CWC27: variants seen among roughly 807,000 people sequenced by gnomAD.
The protein encoded by CWC27 is spliceosome-associated protein CWC27 homolog.
CWC27 carries 47 observed loss-of-function variants against 63.6 expected under a neutral mutation model. That is an observed-to-expected ratio of 0.74 (90% CI 0.58 to 0.94). The LOEUF (loss-of-function observed/expected upper bound fraction) is 0.94. Ranked by LOEUF, CWC27 falls within the 40% of genes least tolerant of loss-of-function variation. The probability of loss-of-function intolerance (pLI) is 0.00; values close to 1 mark genes in which losing one functional copy is unlikely to be tolerated. For missense variants in CWC27, 495 were observed against 554.3 expected (o/e 0.89, Z 1.07); for synonymous variants, 175 against 179.8 (o/e 0.97, Z 0.22).
chr5:64,876,869 C>T (rs533129075), intron 10 of CWC27, among the ~76,000 whole-genome samples: 43 of 152,052 alleles, frequency 2.8e-4, no homozygotes, highest in African/African-American at 9.6e-4. Flanking sequence ...AATCCTCAAT[C>T]GCATGTTCAA....
rs551736536 is a variant in CWC27 at position 64,840,134 on chromosome 5, T to C, written c.938+35748T>C. On this transcript the variant is annotated intron_variant, in intron 10 of 13. Transcript: ENST00000381070. ...TGGGAATTAGGAGCCAAGTAGTCAG[T>C]GTGGTGGGAAAAAGTGGCTTAGTGT... Among the ~76,000 whole-genome samples, 218 of 151,404 alleles carry C rather than the reference T, an allele frequency of 1.4e-3. 1 individual carries two copies. Among genetic ancestry groups the C allele is most frequent in the African/African-American group, 4.8e-3 (200 of 41,276 alleles).
intron 10 of CWC27, among the ~76,000 whole-genome samples, chr5:64,813,269 G>T (rs776058283): frequency 5.9e-5 from 9 of 151,968 alleles, no homozygotes; most frequent in African/African-American, 2.2e-4. Context: ...AATAATTTTT[G>T]GATATTCTGG....
chr5:64,810,807 G>A (rs571899178), intron 10 of CWC27, among the ~76,000 whole-genome samples: 1 of 152,108 alleles, frequency 6.6e-6, no homozygotes, highest in African/African-American at 2.4e-5. Flanking sequence ...ATGTAAAAGT[G>A]GATGATATTT....
At chr5:64,881,133 T>G (rs1441127270) in intron 10 of CWC27, among the ~76,000 whole-genome samples, 2 of 152,058 alleles carry the variant, frequency 1.3e-5, no homozygotes, top group African/African-American at 4.8e-5. Context: ...AGTTATGGAT[T>G]CCACAGTACT....
intron 10 of CWC27, among the ~76,000 whole-genome samples, chr5:64,810,132 C>G (rs949757402): frequency 1.3e-5 from 2 of 152,062 alleles, no homozygotes; most frequent in African/African-American, 4.8e-5. Context: ...CCAGTTTTCC[C>G]AACATTTATT....
rs751712173 is a variant in CWC27 at position 64,774,774 on chromosome 5, A to G, written c.126A>G (p.Gln42=). Residue 42 remains glutamine, a synonymous_variant, in exon 2 of 14, where the codon CAA becomes CAG. Coordinates refer to ENST00000381070, the MANE Select transcript of CWC27 (RefSeq NM_005869.4). The part of the protein sequence containing the change: ...EAPKACRNFI[Q]LCLEAYYDNT... ...CTAAAGCTTGCAGAAATTTTATCCA[A>G]CTTTGTTTGGAAGGTATGTTGACTT... 1 of 1,545,098 alleles carries G rather than the reference A, an allele frequency of 6.5e-7. No individual in the cohort carries two copies. Among genetic ancestry groups the G allele is most frequent in the Non-Finnish European group, 8.8e-7 (1 of 1,140,510 alleles).
rs766178172 is a variant in CWC27 at position 64,769,138 on chromosome 5, C to T, written c.-9C>T. 2.5e-6 allele frequency: 4 copies of T among 1,613,762 alleles called. No individual in the cohort carries two copies. The African/African-American group carries it at 5.3e-5, about 22-fold the overall frequency. ...CCCGTAAGGAGCAGAGTCCTTTGTA[C>T]TGACCAAGATGAGCAACATCTACAT... On this transcript the variant is annotated 5_prime_UTR_variant, in exon 1 of 14. Transcript: ENST00000381070.
At chr5:65,017,968 CCA>C (rs1346351260) in intron 13 of CWC27, among the ~76,000 whole-genome samples, 189 bp from the exon 14 acceptor site, 2 of 152,094 alleles carry the variant, frequency 1.3e-5, no homozygotes, top group Non-Finnish European at 2.9e-5. Context: ...AGAACAAACT[CCA>C]GACATGTTTT....
intron 10 of CWC27, among the ~76,000 whole-genome samples, chr5:64,857,808 A>T (rs1259581283): frequency 2.0e-5 from 3 of 152,192 alleles, no homozygotes; most frequent in African/African-American, 7.2e-5. Flanking sequence ...AACTTCAACA[A>T]AGTTTAAAAT....
chr5:64,973,221 T>C (rs745461792), intron 12 of CWC27, among the ~76,000 whole-genome samples: 3 of 152,220 alleles, frequency 2.0e-5, no homozygotes, highest in East Asian at 3.8e-4. Context: ...TTTTAAACCA[T>C]GTTAAGGAGT....
At chr5:64,872,609 A>G (rs1746698444) in intron 10 of CWC27, among the ~76,000 whole-genome samples, 1 of 151,998 alleles carries the variant, frequency 6.6e-6, no homozygotes, top group Non-Finnish European at 1.5e-5. Flanking sequence ...CCATATATTC[A>G]TTTTTTTACA....
chr5:64,977,267 C>T (rs1384319722), intron 13 of CWC27, 29 bp downstream of exon 13: 1 of 1,444,212 alleles, frequency 6.9e-7, no homozygotes, highest in Admixed American at 1.7e-5. Context: ...GTATATTAAC[C>T]ATGAACAAAT....
chr5:64,842,167 C>G (rs1440118419), intron 10 of CWC27, among the ~76,000 whole-genome samples: 1 of 152,160 alleles, frequency 6.6e-6, no homozygotes, highest in Non-Finnish European at 1.5e-5. Flanking sequence ...ATGTGGCCTA[C>G]AAACCCTAAA....
chr5:64,976,367 T>C (rs1052569654), intron 12 of CWC27, among the ~76,000 whole-genome samples: 6 of 152,158 alleles, frequency 3.9e-5, no homozygotes, highest in African/African-American at 1.4e-4. Context: ...AGTTAATATG[T>C]TCATTCTACC....
At chr5:64,822,527 CTG>C (rs1745232189) in intron 10 of CWC27, among the ~76,000 whole-genome samples, 1 of 152,044 alleles carries the variant, frequency 6.6e-6, no homozygotes, top group African/African-American at 2.4e-5. Context: ...GAAGAGGAAA[CTG>C]AGAAAAGTAC....
chr5:65,012,320 C>T (rs1053967487), intron 13 of CWC27, among the ~76,000 whole-genome samples: 1 of 152,176 alleles, frequency 6.6e-6, no homozygotes, highest in African/African-American at 2.4e-5. Flanking sequence ...CAGAGACTGC[C>T]TATGAAACAG....
At chr5:64,849,661 C>T (rs1482516755) in intron 10 of CWC27, among the ~76,000 whole-genome samples, 1 of 151,536 alleles carries the variant, frequency 6.6e-6, no homozygotes, top group African/African-American at 2.4e-5. Flanking sequence ...ACCCAAATCT[C>T]GTCTCAAATT....
chr5:64,980,779 G>T lies in CWC27; in HGVS notation c.1256+3541G>T, dbSNP rs140424720. ...GGTTGCCTCAAGTAAATATTTTACT[G>T]ATTATTATATAACTAAAAGATGTTC... On this transcript the variant is annotated intron_variant, in intron 13 of 13. Transcript: ENST00000381070. Among the ~76,000 whole-genome samples the T allele has an allele frequency of 4.1e-3, 621 of 152,212 alleles. 2 individuals are homozygous for T. The highest frequency in any genetic ancestry group is 0.014 in the African/African-American group (580 of 41,526).
At chr5:64,874,506 A>T (rs1458228301) in intron 10 of CWC27, among the ~76,000 whole-genome samples, 2 of 149,632 alleles carry the variant, frequency 1.3e-5, no homozygotes, top group African/African-American at 4.9e-5. Context: ...TTGCCCTGTC[A>T]CCCAGGATGG....
Sources: gnomAD v4.1 joint callset for allele counts (sites outside exome capture counted in the v4.1 genomes callset) on GRCh38, gnomAD v4.1.1 for gene constraint, MANE v1.5 for transcripts, NCBI Gene and HGNC (gene_info 2026-07-23, HGNC 2026-07-21) for gene names.